KCNK10: variants seen among roughly 807,000 people sequenced by gnomAD.
KCNK10 encodes potassium channel subfamily K member 10.
KCNK10 carries 25 observed loss-of-function variants against 47.7 expected under a neutral mutation model. The observed-to-expected ratio is 0.52, with a 90% CI of 0.38 to 0.73. The LOEUF (loss-of-function observed/expected upper bound fraction) is 0.73. Ranked by LOEUF, KCNK10 falls within the 30% of genes least tolerant of loss-of-function variation. KCNK10 has a pLI of 0.00. For missense variants in KCNK10, 563 were observed against 714.5 expected (o/e 0.79, Z 2.42); for synonymous variants, 303 against 285.6 (o/e 1.06, Z -0.61).
At chr14:88,288,200 G>A (rs969971881) in intron 1 of KCNK10, among the ~76,000 whole-genome samples, 3 of 152,106 alleles carry the variant, frequency 2.0e-5, no homozygotes, top group East Asian at 1.9e-4. Context: ...CAGCTCTAAC[G>A]TTTTGTTCCA....
intron 1 of KCNK10, among the ~76,000 whole-genome samples, chr14:88,278,100 G>T (rs1381747952): frequency 6.6e-6 from 1 of 152,162 alleles, no homozygotes; most frequent in East Asian, 1.9e-4. Context: ...TGGATGAGTT[G>T]GGTGAGAGCT....
chr14:88,212,980 C>G (rs1364304546), intron 4 of KCNK10, among the ~76,000 whole-genome samples: 1 of 152,152 alleles, frequency 6.6e-6, no homozygotes, highest in Non-Finnish European at 1.5e-5. Flanking sequence ...GGAGCTGGCT[C>G]TTTGGGGTGT....
intron 3 of KCNK10, chr14:88,235,096 A>G (rs538249623): frequency 2.2e-6 from 1 of 456,628 alleles, no homozygotes; most frequent in East Asian, 7.0e-5. Context: ...TCTGGTTCAG[A>G]AAACAGGGAG....
chr14:88,298,343 A>C (rs1353735019), intron 1 of KCNK10, among the ~76,000 whole-genome samples: 1 of 152,214 alleles, frequency 6.6e-6, no homozygotes, highest in Non-Finnish European at 1.5e-5. Flanking sequence ...AATAAAAGGA[A>C]TTAACTACAG....
chr14:88,325,239 CTT>C (rs1362482866), upstream of KCNK10, among the ~76,000 whole-genome samples: 1 of 152,224 alleles, frequency 6.6e-6, no homozygotes, highest in African/African-American at 2.4e-5. Context: ...GCGCTCTTCT[CTT>C]TAACTGTTCA....
intron 4 of KCNK10, among the ~76,000 whole-genome samples, chr14:88,208,549 GT>G (rs1401479316): frequency 6.6e-6 from 1 of 152,208 alleles, no homozygotes; most frequent in Non-Finnish European, 1.5e-5. Flanking sequence ...CAGAAAGAAA[GT>G]GGTAATAACA....
At chr14:88,278,351 C>G (rs993704074) in intron 1 of KCNK10, among the ~76,000 whole-genome samples, 1 of 152,216 alleles carries the variant, frequency 6.6e-6, no homozygotes, top group African/African-American at 2.4e-5. Context: ...ATTACCAAAG[C>G]AGTCTCTATG....
intron 3 of KCNK10, among the ~76,000 whole-genome samples, chr14:88,232,455 A>C (rs1032145236): frequency 6.6e-6 from 1 of 152,310 alleles, no homozygotes; most frequent in Non-Finnish European, 1.5e-5. Context: ...TTGCGACCAC[A>C]TGCAACAAAT....
chr14:88,315,657 T>C (rs1888415831), intron 1 of KCNK10, among the ~76,000 whole-genome samples: 1 of 152,204 alleles, frequency 6.6e-6, no homozygotes, highest in South Asian at 2.1e-4. Flanking sequence ...AGCTTGCATG[T>C]CAAAATTATG....
chr14:88,323,014 G>T lies in KCNK10; in HGVS notation c.-216C>A. On this transcript the variant is annotated 5_prime_UTR_variant, in exon 1 of 7. Coordinates refer to ENST00000319231, the MANE Select transcript of KCNK10 (RefSeq NM_138317.3). The stretch of plus-strand genomic sequence containing the variant: ...GCTTGGGTGTTTGCACCGGCCAGGG[G>T]GTGGCCGGCCGCGGCCCCGTGGGTA... 1 of 1,373,344 alleles carries T rather than the reference G, an allele frequency of 7.3e-7. No individual in the cohort carries two copies. The highest frequency in any genetic ancestry group is 1.7e-5 in the South Asian group (1 of 59,860). The allele number at this position is 1,373,344 out of a possible 1,614,324, so 85.1% of individuals were successfully genotyped here.
rs1884327836 is a variant in KCNK10 at position 88,181,005 on chromosome 14, C to T, written c.*4530G>A. ...GTCTTTGCACACAATTGCATCCTAACAGTGAGAAAGAATAACCCCATATTA... is the reference window on the plus strand; with the variant it reads ...GTCTTTGCACACAATTGCATCCTAATAGTGAGAAAGAATAACCCCATATTA... On this transcript the variant is annotated 3_prime_UTR_variant, in exon 7 of 7. Transcript: ENST00000319231. The T allele has an allele frequency of 2.5e-6, 1 of 395,746 alleles. No individual in the cohort carries two copies. Among genetic ancestry groups the T allele is most frequent in the Non-Finnish European group, 4.4e-6 (1 of 224,808 alleles). The allele number at this position is 395,746 out of a possible 1,614,324, so 24.5% of individuals were successfully genotyped here. A position where few individuals can be genotyped will look rare whatever the true frequency, so the allele number is the denominator to read the frequency against.
At chr14:88,280,411 T>C (rs1887624678) in intron 1 of KCNK10, among the ~76,000 whole-genome samples, 1 of 152,164 alleles carries the variant, frequency 6.6e-6, no homozygotes, top group Non-Finnish European at 1.5e-5. Flanking sequence ...ACCCCTTTTG[T>C]TCTATATCCT....
chr14:88,194,023 T>A (rs1277620710), intron 4 of KCNK10, among the ~76,000 whole-genome samples: 4 of 152,140 alleles, frequency 2.6e-5, no homozygotes, highest in African/African-American at 9.7e-5. Flanking sequence ...AAGGAGGTAC[T>A]TTTCTAACTC....
chr14:88,292,380 C>T (rs1887898671), intron 1 of KCNK10, among the ~76,000 whole-genome samples: 1 of 152,124 alleles, frequency 6.6e-6, no homozygotes, highest in African/African-American at 2.4e-5. Flanking sequence ...GATGGAGTCT[C>T]CCTCTGTCAC....
chr14:88,306,908 G>C (rs1888213454), intron 1 of KCNK10, among the ~76,000 whole-genome samples: 1 of 152,232 alleles, frequency 6.6e-6, no homozygotes, highest in East Asian at 1.9e-4. Flanking sequence ...AATTAGACTG[G>C]TCAACACTAT....
chr14:88,303,821 TA>T (rs1888154212), intron 1 of KCNK10, among the ~76,000 whole-genome samples: 1 of 152,122 alleles, frequency 6.6e-6, no homozygotes, highest in South Asian at 2.1e-4. Flanking sequence ...GTTCAAAATG[TA>T]AAATGTTTCT....
At chr14:88,326,725 A>T (rs1888672614), upstream of KCNK10, 4 of 483,432 alleles carry the variant, frequency 8.3e-6, no homozygotes, top group South Asian at 8.0e-5. Flanking sequence ...GCCCGGCTGG[A>T]GCGCACCAAT....
At chr14:88,216,185 G>A (rs895635857) in intron 4 of KCNK10, among the ~76,000 whole-genome samples, 15 of 152,122 alleles carry the variant, frequency 9.9e-5, no homozygotes, top group African/African-American at 3.6e-4. Context: ...CCTCTTTAAG[G>A]ACCCATCTGA....
At chr14:88,227,258 A>G (rs781279174) in intron 4 of KCNK10, 117 bp downstream of exon 4, 1 of 839,018 alleles carries the variant, frequency 1.2e-6, no homozygotes, top group Non-Finnish European at 1.8e-6. Flanking sequence ...TACAATCATA[A>G]CATTAAAATT....
Sources: allele counts gnomAD v4.1 joint callset (sites outside exome capture counted in the v4.1 genomes callset), GRCh38; gene constraint gnomAD v4.1.1; transcripts MANE v1.5; gene names NCBI Gene and HGNC (gene_info 2026-07-23, HGNC 2026-07-21).